Variants in KCNH8 observed in about 807,000 individuals in gnomAD.
KCNH8 encodes potassium voltage-gated channel subfamily H member 8.
KCNH8 carries 70 observed loss-of-function variants against 103.6 expected under a neutral mutation model. The observed-to-expected ratio is 0.68, with a 90% CI of 0.56 to 0.82. KCNH8 has a LOEUF of 0.82. Among genes scored for constraint, KCNH8 ranks in the 40% least tolerant of loss-of-function variants. The pLI, the probability that KCNH8 is intolerant of heterozygous loss-of-function variation, is 0.00. For missense variants in KCNH8, 1,217 were observed against 1,329.9 expected (o/e 0.92, Z 1.32); for synonymous variants, 498 against 489.4 (o/e 1.02, Z -0.23).
intron 15 of KCNH8, among the ~76,000 whole-genome samples, chr3:19,521,762 T>C (rs1559370090): frequency 6.6e-6 from 1 of 152,012 alleles, no homozygotes; most frequent in South Asian, 2.1e-4. Context: ...ACTAGTTTGA[T>C]TGTAATTGTG....
intron 11 of KCNH8, among the ~76,000 whole-genome samples, chr3:19,465,934 T>C (rs2067725838): frequency 6.6e-6 from 1 of 152,150 alleles, no homozygotes; most frequent in Admixed American, 6.5e-5. Flanking sequence ...CTTTATTTTA[T>C]TTTATTTATT....
chr3:19,226,151 T>C (rs190668216), intron 1 of KCNH8, among the ~76,000 whole-genome samples: 256 of 152,332 alleles, frequency 1.7e-3, no homozygotes, highest in African/African-American at 5.5e-3. Flanking sequence ...ATTAAGGCCT[T>C]TATATTGAGA....
At chr3:19,212,581 T>G (rs879705729) in intron 1 of KCNH8, among the ~76,000 whole-genome samples, 2 of 152,164 alleles carry the variant, frequency 1.3e-5, no homozygotes, top group Non-Finnish European at 2.9e-5. Context: ...AGCACTGTAC[T>G]TGTCTCGTGG....
In KCNH8 at chr3:19,301,058, T is replaced by C. The variant is rs139424739; in HGVS notation, c.442+19729T>C. Among the ~76,000 whole-genome samples, 104 of 151,556 alleles carry C rather than the reference T, an allele frequency of 6.9e-4. 1 individual carries two copies. The highest frequency in any genetic ancestry group is 4.7e-3 in the Admixed American group (71 of 15,222). ...TAATATAATCCTCTCAATAACCCTG[T>C]GGTATGAGCAATATTATTATCAGTG... On this transcript the variant is annotated intron_variant, in intron 3 of 15. Transcript: ENST00000328405.
intron 3 of KCNH8, among the ~76,000 whole-genome samples, chr3:19,289,928 G>C (rs952800702): frequency 3.9e-5 from 6 of 152,094 alleles, no homozygotes; most frequent in Non-Finnish European, 7.4e-5. Flanking sequence ...TCATTGAGCA[G>C]TGGTTTGTAG....
intron 11 of KCNH8, among the ~76,000 whole-genome samples, chr3:19,498,243 A>G (rs1056390980): frequency 6.6e-6 from 1 of 152,160 alleles, no homozygotes; most frequent in Admixed American, 6.5e-5. Flanking sequence ...TTACATTCCA[A>G]GTTAACATTT....
intron 3 of KCNH8, among the ~76,000 whole-genome samples, chr3:19,291,190 A>G: frequency 6.6e-6 from 1 of 152,010 alleles, no homozygotes; most frequent in Non-Finnish European, 1.5e-5. Context: ...TTTTCAAAAA[A>G]CCAGCTCCTG....
intron 11 of KCNH8, among the ~76,000 whole-genome samples, chr3:19,457,284 G>A (rs2125189164): frequency 6.6e-6 from 1 of 152,040 alleles, no homozygotes; most frequent in East Asian, 1.9e-4. Flanking sequence ...GTAGAGATGT[G>A]TGATTTCTCC....
chr3:19,336,120 A>G (rs917993980), intron 3 of KCNH8, among the ~76,000 whole-genome samples: 1 of 151,634 alleles, frequency 6.6e-6, no homozygotes, highest in Admixed American at 6.6e-5. Context: ...TTAAATATAT[A>G]GTTTGTTTCA....
At chr3:19,367,931 A>G (rs1188456968) in intron 5 of KCNH8, among the ~76,000 whole-genome samples, 2 of 152,012 alleles carry the variant, frequency 1.3e-5, no homozygotes, top group Non-Finnish European at 2.9e-5. Flanking sequence ...AGAGCATGGG[A>G]TTAGCCCAGC....
At position 19,535,327 on chromosome 3, in the gene KCNH8, T is replaced by C. The variant is rs2069246755; in HGVS notation, c.*1228T>C. The C allele has an allele frequency of 6.6e-6, 1 of 152,234 alleles. No homozygotes were observed. The highest frequency in any genetic ancestry group is 6.5e-5 in the Admixed American group (1 of 15,286). The allele number at this position is 152,234 out of a possible 1,614,324, so 9.4% of individuals were successfully genotyped here. A position where few individuals can be genotyped will look rare whatever the true frequency, so the allele number is the denominator to read the frequency against. On this transcript the variant is annotated 3_prime_UTR_variant, in exon 16 of 16. Coordinates refer to ENST00000328405, the MANE Select transcript of KCNH8 (RefSeq NM_144633.3). ...TTTTCTTTAAGGCTCCCAACAATGC[T>C]ATACAGCGCAGTTGTTTCCATTCCT...
chr3:19,255,804 C>T (rs1004258914), intron 2 of KCNH8, among the ~76,000 whole-genome samples: 18 of 151,740 alleles, frequency 1.2e-4, no homozygotes, highest in Non-Finnish European at 2.9e-5. Context: ...GATGTTTATT[C>T]TTTCCCTTAA....
At chr3:19,369,713 G>C (rs2066061512) in intron 5 of KCNH8, among the ~76,000 whole-genome samples, 2 of 151,710 alleles carry the variant, frequency 1.3e-5, no homozygotes, top group African/African-American at 4.8e-5. Context: ...TCCCATATTT[G>C]TGAATGATCT....
chr3:19,281,163 G>T (rs1374088032), intron 2 of KCNH8, 35 bp from the exon 3 acceptor site: 2 of 1,598,724 alleles, frequency 1.3e-6, no homozygotes, highest in South Asian at 1.1e-5. Context: ...ACAAGGCAAT[G>T]GTTGATTTGT....
intron 3 of KCNH8, among the ~76,000 whole-genome samples, chr3:19,329,276 G>A (rs2065471923): frequency 6.6e-6 from 1 of 152,130 alleles, no homozygotes; most frequent in Admixed American, 6.6e-5. Context: ...ACTTTGGTAA[G>A]CCTGGATATA....
intron 11 of KCNH8, among the ~76,000 whole-genome samples, chr3:19,488,268 C>T (rs1242145262): frequency 6.6e-6 from 1 of 152,038 alleles, no homozygotes; most frequent in African/African-American, 2.4e-5. Flanking sequence ...TTCCCAGAAC[C>T]CTCCTTTTCT....
chr3:19,451,344 T>C lies in KCNH8; in HGVS notation c.1765T>C (p.Tyr589His). The C allele has an allele frequency of 6.2e-7, 1 of 1,613,856 alleles. No individual in the cohort carries two copies. Among genetic ancestry groups the C allele is most frequent in the Non-Finnish European group, 8.5e-7 (1 of 1,179,784 alleles). Residue 589 changes from tyrosine (Y) to histidine (H), a missense_variant, in exon 10 of 16, where the codon TAC (tyrosine) becomes CAC (histidine). Coordinates refer to ENST00000328405, the MANE Select transcript of KCNH8 (RefSeq NM_144633.3). ...LRQGDALQAI[Y>H]FVCSGSMEVL... ...TCAAGGGGATGCTTTGCAGGCCATC[T>C]ACTTTGTATGCTCGGGCTCCATGGA...
chr3:19,501,535 C>T (rs1373101002), intron 11 of KCNH8, among the ~76,000 whole-genome samples: 1 of 152,174 alleles, frequency 6.6e-6, no homozygotes, highest in East Asian at 1.9e-4. Flanking sequence ...CAATAAAATA[C>T]TGGCAAACCG....
At chr3:19,367,004 A>C (rs1330520557) in intron 5 of KCNH8, among the ~76,000 whole-genome samples, 1 of 152,024 alleles carries the variant, frequency 6.6e-6, no homozygotes, top group African/African-American at 2.4e-5. Flanking sequence ...GCAATTACTT[A>C]GAAGCATAGA....
Sources: gnomAD v4.1 joint callset for allele counts (sites outside exome capture counted in the v4.1 genomes callset) on GRCh38, gnomAD v4.1.1 for gene constraint, MANE v1.5 for transcripts, NCBI Gene and HGNC (gene_info 2026-07-23, HGNC 2026-07-21) for gene names.